Variants in RMST observed in about 807,000 individuals in gnomAD.
RMST encodes long intergenic non-protein coding RNA 54.
At position 97,486,554 on chromosome 12, in the gene RMST, C is replaced by T. The variant is rs137939586; in HGVS notation, n.645-5907C>T. Among the ~76,000 whole-genome samples the T allele has an allele frequency of 3.3e-3, 502 of 152,246 alleles. 2 individuals carry two copies. Among genetic ancestry groups the T allele is most frequent in the African/African-American group, 0.01 (417 of 41,544 alleles). ...TATTACTGATACTGAATGTAAATTT[C>T]GAACCAGAATAAAGCTGATAACAAA... On this transcript the variant is annotated intron_variant and non_coding_transcript_variant, in intron 5 of 13. Transcript: ENST00000640149.
At chr12:97,514,645 G>A (rs1879753430) in intron 10 of RMST, among the ~76,000 whole-genome samples, 2 of 150,252 alleles carry the variant, frequency 1.3e-5, no homozygotes, top group Non-Finnish European at 1.5e-5. Context: ...TTAAATGCCT[G>A]TTCATTCTTG....
intron 11 of RMST, chr12:97,532,651 T>TG (rs1014834118): frequency 1.2e-4 from 18 of 149,350 alleles, no homozygotes; most frequent in South Asian, 4.2e-4. Context: ...TCCCGTTTTT[T>TG]TTTTTTTTTT....
At chr12:97,511,830 A>G (rs1176753353) in intron 10 of RMST, among the ~76,000 whole-genome samples, 5 of 152,228 alleles carry the variant, frequency 3.3e-5, no homozygotes, top group Admixed American at 6.5e-5. Context: ...TAGGCTAACT[A>G]GGGCCATTAC....
intron 5 of RMST, among the ~76,000 whole-genome samples, chr12:97,478,045 G>A (rs1168435574): frequency 6.6e-6 from 1 of 152,180 alleles, no homozygotes. Context: ...TCCAGAAATT[G>A]TCTTTCTGTC....
intron 10 of RMST, among the ~76,000 whole-genome samples, chr12:97,524,499 T>G (rs17027120): frequency 0.12 from 17,791 of 152,254 alleles, 1,329 homozygotes; most frequent in East Asian, 0.3. Flanking sequence ...AAAATTATGA[T>G]GCTGACAATG....
chr12:97,519,554 C>T (rs1478106288), intron 10 of RMST, among the ~76,000 whole-genome samples: 4 of 152,122 alleles, frequency 2.6e-5, no homozygotes, highest in Non-Finnish European at 5.9e-5. Flanking sequence ...TTTAATGTTC[C>T]ACAATCGTAT....
intron 4 of RMST, among the ~76,000 whole-genome samples, chr12:97,464,332 T>C (rs557752759): frequency 3.9e-5 from 6 of 152,306 alleles, no homozygotes; most frequent in African/African-American, 1.4e-4. Context: ...ATTGTTTAAA[T>C]GAGGGGGACC....
intron 13 of RMST, chr12:97,563,741 G>A (rs1354247026): frequency 6.4e-6 from 3 of 465,946 alleles, no homozygotes; most frequent in African/African-American, 4.0e-5. Flanking sequence ...CTTTAATGTA[G>A]CGTGAAATGA....
At chr12:97,550,896 G>A (rs112013147) in intron 11 of RMST, among the ~76,000 whole-genome samples, 13 of 152,282 alleles carry the variant, frequency 8.5e-5, no homozygotes, top group African/African-American at 2.9e-4. Context: ...CAGGTGAATA[G>A]AGCACTGACT....
intron 10 of RMST, among the ~76,000 whole-genome samples, chr12:97,516,886 A>G (rs866663160): frequency 1.3e-5 from 2 of 152,040 alleles, no homozygotes; most frequent in South Asian, 4.1e-4. Flanking sequence ...GCAAGCTACA[A>G]TATTGTATGG....
chr12:97,542,398 A>C (rs76109283), intron 11 of RMST, among the ~76,000 whole-genome samples: 2,144 of 151,932 alleles, frequency 0.014, 41 homozygotes, highest in African/African-American at 0.049. Context: ...TTGTAATCTC[A>C]CTTGGCCTGG....
intron 11 of RMST, among the ~76,000 whole-genome samples, chr12:97,537,962 C>T (rs1882196862): frequency 6.6e-6 from 1 of 151,356 alleles, no homozygotes; most frequent in Admixed American, 6.6e-5. Flanking sequence ...CATCCAGACA[C>T]ATCTATTTCT....
chr12:97,519,385 ATCTC>A (rs1353335435), intron 10 of RMST, among the ~76,000 whole-genome samples: 1 of 152,194 alleles, frequency 6.6e-6, no homozygotes, highest in African/African-American at 2.4e-5. Context: ...TTTCATTGCT[ATCTC>A]TTCAAATTGG....
At chr12:97,480,090 T>C (rs1049618254) in intron 5 of RMST, among the ~76,000 whole-genome samples, 3 of 85,476 alleles carry the variant, frequency 3.5e-5, no homozygotes, top group African/African-American at 1.5e-4. Flanking sequence ...TTCTTTTTTC[T>C]TTTTTTTTCT....
chr12:97,505,145 T>A (rs1878526930), intron 10 of RMST, among the ~76,000 whole-genome samples: 2 of 152,242 alleles, frequency 1.3e-5, no homozygotes, highest in South Asian at 4.1e-4. Flanking sequence ...ATGCAAATTA[T>A]TCAGCAGTGT....
At chr12:97,542,979 G>A (rs1044619358) in intron 11 of RMST, among the ~76,000 whole-genome samples, 5 of 151,908 alleles carry the variant, frequency 3.3e-5, no homozygotes, top group East Asian at 1.9e-4. Flanking sequence ...AACACACCTC[G>A]TATGTGTTTG....
rs1419094134 is a variant in RMST at position 97,506,702 on chromosome 12, G to T, written n.1340+10646G>T. Among the ~76,000 whole-genome samples the T allele has an allele frequency of 2.7e-5, 3 of 109,776 alleles. No individual in the cohort carries two copies. The East Asian group carries it at 8.2e-4, about 30-fold the overall frequency. 72.0% of individuals were successfully genotyped at this position (109,776 alleles called of 152,430 possible). A position where few individuals can be genotyped will look rare whatever the true frequency, so the allele number is the denominator to read the frequency against. Reference sequence around the variant, plus strand: ...TTTTTTTTTTTTTTTTTTTTTTTTGGAGATGTAGTCTTGCTCTGTCACCCA... The same window carrying T: ...TTTTTTTTTTTTTTTTTTTTTTTTGTAGATGTAGTCTTGCTCTGTCACCCA... On this transcript the variant is annotated intron_variant and non_coding_transcript_variant, in intron 10 of 13. Coordinates refer to ENST00000640149, the Ensembl canonical transcript of RMST.
chr12:97,534,559 A>G (rs1387816542), intron 11 of RMST, among the ~76,000 whole-genome samples: 1 of 151,746 alleles, frequency 6.6e-6, no homozygotes, highest in African/African-American at 2.4e-5. Flanking sequence ...TGAAATTCAT[A>G]TTGTCTCAGT....
At chr12:97,534,334 G>A (rs757438172) in intron 11 of RMST, among the ~76,000 whole-genome samples, 1 of 151,582 alleles carries the variant, frequency 6.6e-6, no homozygotes, top group Non-Finnish European at 1.5e-5. Flanking sequence ...TAATTCTTTG[G>A]ACATAATTTA....
Sources: allele counts gnomAD v4.1 joint callset (sites outside exome capture counted in the v4.1 genomes callset), GRCh38; gene constraint gnomAD v4.1.1; transcripts MANE v1.5; gene names NCBI Gene and HGNC (gene_info 2026-07-23, HGNC 2026-07-21).